AMBRA1: variants seen among roughly 807,000 people sequenced by gnomAD.
AMBRA1 encodes the protein autophagy and beclin 1 regulator 1.
Under a neutral mutation model 125.4 loss-of-function variants are expected in AMBRA1, and 47 were observed. The observed-to-expected ratio is 0.37, with a 90% CI of 0.30 to 0.48. The LOEUF (loss-of-function observed/expected upper bound fraction) is 0.48, where lower values mean the gene tolerates loss of function less well. Ranked by LOEUF, AMBRA1 falls within the 20% of genes least tolerant of loss-of-function variation. The probability of loss-of-function intolerance (pLI) is 0.99; values close to 1 mark genes in which losing one functional copy is unlikely to be tolerated. For missense variants in AMBRA1, 1,331 were observed against 1,693.4 expected, an observed-to-expected ratio of 0.79 and a Z score of 3.76; for synonymous variants, 626 against 655.5, an observed-to-expected ratio of 0.95 and a Z score of 0.69.
chr11:46,516,351 TAG>T (rs945250661), intron 7 of AMBRA1, among the ~76,000 whole-genome samples: 14 of 151,354 alleles, frequency 9.2e-5, no homozygotes, highest in Non-Finnish European at 1.3e-4. Flanking sequence ...AATAAAGAAC[TAG>T]AGTTACTAGA....
intron 1 of AMBRA1, among the ~76,000 whole-genome samples, chr11:46,573,709 A>C (rs1411610925): frequency 6.9e-6 from 1 of 144,820 alleles, no homozygotes; most frequent in Non-Finnish European, 1.5e-5. Flanking sequence ...GTACATGTGC[A>C]TATTGTGCAG....
chr11:46,528,865 G>A, intron 7 of AMBRA1, among the ~76,000 whole-genome samples: 1 of 152,128 alleles, frequency 6.6e-6, no homozygotes, highest in East Asian at 1.9e-4. Context: ...TGACCCAAGG[G>A]GACAGCAAGG....
intron 6 of AMBRA1, among the ~76,000 whole-genome samples, chr11:46,543,741 GTGA>G (rs1407653199): frequency 6.6e-6 from 1 of 152,226 alleles, no homozygotes; most frequent in Non-Finnish European, 1.5e-5. Flanking sequence ...ACACTGTCTA[GTGA>G]TGATAAGGGT....
chr11:46,538,465 TAAAC>T (rs1291044842), intron 7 of AMBRA1, among the ~76,000 whole-genome samples: 4 of 152,154 alleles, frequency 2.6e-5, no homozygotes, highest in African/African-American at 2.4e-5. Flanking sequence ...AAAAAATACT[TAAAC>T]AAAAAATTAT....
At chr11:46,426,220 G>A (rs899717115) in intron 14 of AMBRA1, among the ~76,000 whole-genome samples, 4 of 152,252 alleles carry the variant, frequency 2.6e-5, no homozygotes, top group East Asian at 1.9e-4. Context: ...GTGCACATGC[G>A]TGGACATGCA....
At chr11:46,541,343 T>TCAACTGAGCAATAGG (rs1952728673) in intron 7 of AMBRA1, among the ~76,000 whole-genome samples, 1 of 152,160 alleles carries the variant, frequency 6.6e-6, no homozygotes, top group Non-Finnish European at 1.5e-5. Context: ...TCAGAGAATC[T>TCAACTGAGCAATAGG]CAACTGAGCA....
intron 1 of AMBRA1, among the ~76,000 whole-genome samples, chr11:46,566,741 TAACCAATCC>T (rs2043547068): frequency 2.0e-5 from 3 of 152,210 alleles, no homozygotes; most frequent in Admixed American, 1.3e-4. Flanking sequence ...AGATCTGACC[TAACCAATCC>T]ATCTTGCCTT....
At chr11:46,562,857 A>G (rs2043383494) in intron 1 of AMBRA1, among the ~76,000 whole-genome samples, 1 of 151,392 alleles carries the variant, frequency 6.6e-6, no homozygotes, top group South Asian at 2.1e-4. Context: ...CTGGAGTGCA[A>G]TGGCATGATC....
intron 11 of AMBRA1, among the ~76,000 whole-genome samples, chr11:46,457,315 C>T (rs929671256): frequency 6.6e-6 from 1 of 152,196 alleles, no homozygotes; most frequent in African/African-American, 2.4e-5. Flanking sequence ...GCTCCAAGGG[C>T]TAACAAATCC....
intron 9 of AMBRA1, 55 bp from the exon 10 acceptor site, chr11:46,494,259 C>A: frequency 1.4e-6 from 2 of 1,455,926 alleles, no homozygotes; most frequent in Admixed American, 2.0e-5. Flanking sequence ...GAATCATCCA[C>A]CAGCCCAAAA....
intron 1 of AMBRA1, among the ~76,000 whole-genome samples, chr11:46,553,744 CA>C (rs113211612): frequency 4.8e-5 from 7 of 144,458 alleles, no homozygotes; most frequent in Non-Finnish European, 1.5e-5. Flanking sequence ...GACTCCATCT[CA>C]AAAAAAAAAC....
In AMBRA1 at chr11:46,493,697, A is replaced by T. The variant is rs1174596448; in HGVS notation, c.2432T>A (p.Leu811Gln). The change falls in exon 11 of 18, where the codon CTG becomes CAG. Residue 811 changes from leucine (L) to glutamine (Q), a missense_variant. By Grantham distance (113) the Leu-to-Gln change is moderately radical. Around this residue, in one of 4 missense-constraint regions of AMBRA1, gnomAD observed 354 missense variants for 532.7 expected, o/e 0.66. Transcript: ENST00000683756. ...CCCAGCATAAGGCAAGTACTCAGGC[A>T]GCAAGAAACGCCTACAAGAAGGAAT... ...LGRFVPRRFLLPEYLPYAGIF... is the reference protein window; with the variant it reads ...LGRFVPRRFLQPEYLPYAGIF... 1 of 1,591,590 alleles carries T rather than the reference A, an allele frequency of 6.3e-7. No individual in the cohort carries two copies. Among genetic ancestry groups the T allele is most frequent in the East Asian group, 2.3e-5 (1 of 44,054 alleles).
chr11:46,541,703 G>A (rs1414736583), intron 7 of AMBRA1, among the ~76,000 whole-genome samples: 2 of 152,192 alleles, frequency 1.3e-5, no homozygotes, highest in African/African-American at 4.8e-5. Flanking sequence ...TCCTTTCAAG[G>A]CTAAAGCCAG....
chr11:46,535,429 A>T (rs913745828), intron 7 of AMBRA1, among the ~76,000 whole-genome samples: 1 of 152,344 alleles, frequency 6.6e-6, no homozygotes, highest in East Asian at 1.9e-4. Flanking sequence ...TCAGACTCCA[A>T]AACAAAAGAT....
At chr11:46,459,191 C>T (rs1948987237) in intron 11 of AMBRA1, among the ~76,000 whole-genome samples, 1 of 151,954 alleles carries the variant, frequency 6.6e-6, no homozygotes, top group Non-Finnish European at 1.5e-5. Context: ...ATCCCCACTA[C>T]AAAATAAAAT....
At chr11:46,439,175 G>A (rs1284243489) in intron 12 of AMBRA1, among the ~76,000 whole-genome samples, 4 of 152,114 alleles carry the variant, frequency 2.6e-5, no homozygotes, top group Admixed American at 6.5e-5. Flanking sequence ...TTGGAAGGCC[G>A]AGGCAGGAGG....
intron 13 of AMBRA1, among the ~76,000 whole-genome samples, chr11:46,434,131 A>G (rs544042700): frequency 3.2e-4 from 48 of 151,632 alleles, no homozygotes; most frequent in Non-Finnish European, 5.6e-4. Flanking sequence ...AAAAAAAAAA[A>G]AAAAAAGAAA....
At chr11:46,523,851 G>T (rs139974613) in intron 7 of AMBRA1, among the ~76,000 whole-genome samples, 71 of 152,258 alleles carry the variant, frequency 4.7e-4, no homozygotes, top group African/African-American at 1.5e-3. Context: ...TTCCTTGTGA[G>T]ATGTCATAGT....
chr11:46,452,184 G>T (rs954229454), intron 11 of AMBRA1, among the ~76,000 whole-genome samples: 4 of 151,960 alleles, frequency 2.6e-5, no homozygotes, highest in Non-Finnish European at 5.9e-5. Flanking sequence ...AGTAAAAAAT[G>T]GTAATCCTAT....
Sources: allele counts gnomAD v4.1 joint callset (sites outside exome capture counted in the v4.1 genomes callset), GRCh38; gene constraint gnomAD v4.1.1; regional missense constraint gnomAD v4.1.1; transcripts MANE v1.5; gene names NCBI Gene and HGNC (gene_info 2026-07-23, HGNC 2026-07-21).